The following C12orf76 variants were observed in gnomAD, a reference collection of about 807,000 sequenced individuals.
The protein encoded by C12orf76 is chromosome 12 open reading frame 76.
A neutral mutation model predicts 6.8 loss-of-function variants in C12orf76; 6 were observed. That is an observed-to-expected ratio of 0.88 (90% CI 0.48 to 1.73). The LOEUF (loss-of-function observed/expected upper bound fraction) is 1.73. Among genes scored for constraint, C12orf76 ranks in the 40% most tolerant of loss-of-function variants. C12orf76 has a pLI of 0.01. For synonymous variants in C12orf76, 56 were observed against 43.7 expected (o/e 1.28, Z -1.11); for missense variants, 99 against 98.2 (o/e 1.01, Z -0.03).
upstream of C12orf76, among the ~76,000 whole-genome samples, chr12:110,052,763 A>G (rs1892601904): frequency 6.6e-6 from 1 of 152,264 alleles, no homozygotes; most frequent in Admixed American, 6.5e-5. Flanking sequence ...AAGCTGAGAC[A>G]GAGTGGGCCA....
chr12:110,070,099 A>C (rs573782365), upstream of C12orf76, among the ~76,000 whole-genome samples: 1 of 151,980 alleles, frequency 6.6e-6, no homozygotes, highest in Admixed American at 6.6e-5. Flanking sequence ...AAATACAAAA[A>C]AATTAGCTGG....
intron 1 of C12orf76, among the ~76,000 whole-genome samples, chr12:110,044,952 A>C (rs1201451918): frequency 2.6e-5 from 4 of 152,120 alleles, no homozygotes; most frequent in African/African-American, 9.7e-5. Context: ...CAGCCTGGGC[A>C]ACAAGAGCGA....
chr12:110,045,907 C>A, intron 1 of C12orf76: 2 of 200,072 alleles, frequency 1.0e-5, no homozygotes, highest in Non-Finnish European at 2.2e-5. Flanking sequence ...TGCAGTGAAC[C>A]AAGATCATGC....
chr12:110,049,754 T>G (rs1360571163), upstream of C12orf76: 2 of 152,246 alleles, frequency 1.3e-5, no homozygotes, highest in African/African-American at 4.8e-5. Context: ...ATGGCTTGGC[T>G]TGGGCTCAGA....
At chr12:110,055,247 T>G in intron 4 of C12orf76, among the ~76,000 whole-genome samples, 1 of 142,986 alleles carries the variant, frequency 7.0e-6, no homozygotes, top group African/African-American at 2.6e-5. Context: ...AGAGTCTCCC[T>G]CTGTCACCCA....
At chr12:110,068,325 GAAGA>G (rs1566080328), upstream of C12orf76, among the ~76,000 whole-genome samples, 349 of 134,260 alleles carry the variant, frequency 2.6e-3, 4 homozygotes, top group African/African-American at 8.7e-3. Flanking sequence ...AGAAGAAGAA[GAAGA>G]AGGCGGCCAA....
rs202016063 is a variant in C12orf76, at chr12:110,042,388, T to A, written c.205A>T (p.Ile69Phe). 65 of 1,613,968 alleles carry A rather than the reference T, an allele frequency of 4.0e-5. No homozygotes were observed. In the Middle Eastern group the frequency reaches 6.6e-4, roughly 16 times the overall value. The change falls in exon 2 of 2, where the codon ATT (isoleucine) becomes TTT (phenylalanine). Residue 69 changes from isoleucine to phenylalanine, a missense_variant. Coordinates refer to ENST00000615315, the MANE Select transcript of C12orf76 (RefSeq NM_001389625.1). ...ILMAFCVYKPIRRR is the reference protein window; with the variant it reads ...ILMAFCVYKPFRRR ...TTGTCTGGCTGTCACCGACGCCGAATGGGCTTGTAGACACAAAATGCCATA... is the reference window on the plus strand; with the variant it reads ...TTGTCTGGCTGTCACCGACGCCGAAAGGGCTTGTAGACACAAAATGCCATA...
At chr12:110,069,258 G>A (rs1892932021), upstream of C12orf76, among the ~76,000 whole-genome samples, 2 of 152,122 alleles carry the variant, frequency 1.3e-5, no homozygotes, top group African/African-American at 4.8e-5. Context: ...GGCTATCATG[G>A]TGAAACCCTG....
At chr12:110,054,227 A>G (rs1160782025), upstream of C12orf76, among the ~76,000 whole-genome samples, 1 of 152,236 alleles carries the variant, frequency 6.6e-6, no homozygotes, top group Non-Finnish European at 1.5e-5. This position sits in a 1 kb window ranked among gnomAD's most constrained non-coding sequence, Gnocchi z 4.4. Context: ...GAGAAATCCA[A>G]AGCCACACCA....
chr12:110,066,346 G>A lies in C12orf76; in HGVS notation n.207-313C>T, dbSNP rs1361520336. Among the ~76,000 whole-genome samples, 10 of 112,576 alleles carry A rather than the reference G, an allele frequency of 8.9e-5. No homozygotes were observed. In the Admixed American group the frequency reaches 9.9e-4, roughly 11 times the overall value. The allele number at this position is 112,576 out of a possible 152,430, so 73.9% of individuals were successfully genotyped here. ...ATCATGTCACTGCACTCCAGCCTAG[G>A]TGACAAAGCAAGACTCCATCTAAAA... On this transcript the variant is annotated intron_variant and non_coding_transcript_variant, in intron 1 of 4. Coordinates refer to the C12orf76 transcript ENST00000309050.
upstream of C12orf76, chr12:110,050,200 A>G (rs1374371058): frequency 6.6e-6 from 1 of 152,220 alleles, no homozygotes; most frequent in Non-Finnish European, 1.5e-5. Context: ...AACACTGCAC[A>G]CACAAAGTGG....
chr12:110,050,730 C>A, upstream of C12orf76: 1 of 477,770 alleles, frequency 2.1e-6, no homozygotes, highest in Non-Finnish European at 3.7e-6. Context: ...AATGCCTAAC[C>A]AGCAGCCCTC....
chr12:110,059,940 A>C (rs1056748919), intron 2 of C12orf76, among the ~76,000 whole-genome samples: 4 of 152,214 alleles, frequency 2.6e-5, no homozygotes, highest in Non-Finnish European at 5.9e-5. Context: ...AGAGCAGAAC[A>C]AGCTTTCCTT....
upstream of C12orf76, chr12:110,051,070 T>C (rs780021265): frequency 1.0e-5 from 8 of 780,316 alleles, no homozygotes; most frequent in Non-Finnish European, 1.9e-5. Context: ...CTCCACGATC[T>C]CCTCTTTCAC....
At chr12:110,051,904 CTTTTTTTTTTTTTTTTT>C (rs567991255), upstream of C12orf76, among the ~76,000 whole-genome samples, 1 of 100,664 alleles carries the variant, frequency 9.9e-6, no homozygotes, top group Non-Finnish European at 2.0e-5. Flanking sequence ...GGCAGCTACT[CTTTTTTTTTTTTTTTTT>C]TTTTTTTTGA....
At chr12:110,066,531 T>C (rs1044210477) in intron 1 of C12orf76, among the ~76,000 whole-genome samples, 2 of 151,128 alleles carry the variant, frequency 1.3e-5, no homozygotes, top group African/African-American at 4.9e-5. Flanking sequence ...CTACTAAAAA[T>C]ACAAAATTAG....
rs563753765 is a variant in C12orf76, at chr12:110,066,767, C to G, written n.206+723G>C. ...CTCCTCCTGGTGTCTGGTGCCTCCC[C>G]GACCTCCGTGCTGGGCTCACTTCTA... On this transcript the variant is annotated intron_variant and non_coding_transcript_variant, in intron 1 of 4. Transcript: ENST00000309050. Among the ~76,000 whole-genome samples, 4 of 152,264 alleles carry G rather than the reference C, an allele frequency of 2.6e-5. No individual in the cohort carries two copies. The South Asian group carries it at 6.2e-4, about 24-fold the overall frequency.
chr12:110,045,917 C>A, intron 1 of C12orf76: 1 of 210,234 alleles, frequency 4.8e-6, no homozygotes. Context: ...CAAGATCATG[C>A]CATTGCACTC....
chr12:110,042,077 T>C lies in C12orf76; in HGVS notation c.*297A>G. ...ACAGGCACTCACAAGGTTACCATGTTTTCTTTCTCATGAACACTCCATCTT... is the reference window on the plus strand; with the variant it reads ...ACAGGCACTCACAAGGTTACCATGTCTTCTTTCTCATGAACACTCCATCTT... On this transcript the variant is annotated 3_prime_UTR_variant, in exon 2 of 2. Coordinates refer to ENST00000615315, the MANE Select transcript of C12orf76 (RefSeq NM_001389625.1). 2.4e-6 allele frequency: 1 copy of C among 424,482 alleles called. No individual in the cohort carries two copies. The highest frequency in any genetic ancestry group is 4.3e-6 in the Non-Finnish European group (1 of 231,678). 26.3% of individuals were successfully genotyped at this position (424,482 alleles called of 1,614,324 possible).
Sources: allele counts gnomAD v4.1 joint callset (sites outside exome capture counted in the v4.1 genomes callset), GRCh38; gene constraint gnomAD v4.1.1; non-coding constraint Gnocchi (gnomAD v3.1); transcripts MANE v1.5; gene names NCBI Gene and HGNC (gene_info 2026-07-23, HGNC 2026-07-21).